The following SCAMP2 variants were observed in gnomAD, a reference collection of about 807,000 sequenced individuals.
SCAMP2 encodes secretory carrier-associated membrane protein 2.
SCAMP2 carries 25 observed loss-of-function variants against 44.1 expected under a neutral mutation model. The ratio of observed to expected loss-of-function variants is 0.57; its 90% CI spans 0.41 to 0.79. The LOEUF (loss-of-function observed/expected upper bound fraction) is 0.79. Ranked by LOEUF, SCAMP2 falls within the 30% of genes least tolerant of loss-of-function variation. The probability of loss-of-function intolerance (pLI) is 0.00; values close to 1 mark genes in which losing one functional copy is unlikely to be tolerated. For synonymous variants in SCAMP2, 156 were observed against 166.0 expected, an observed-to-expected ratio of 0.94 and a Z score of 0.46; for missense variants, 355 against 411.0, an observed-to-expected ratio of 0.86 and a Z score of 1.18.
chr15:74,861,410 C>T (rs2064502067), intron 1 of SCAMP2, among the ~76,000 whole-genome samples: 1 of 152,034 alleles, frequency 6.6e-6, no homozygotes, highest in Non-Finnish European at 1.5e-5. Flanking sequence ...AGAATCTGTC[C>T]TAAGAAAATA....
intron 1 of SCAMP2, among the ~76,000 whole-genome samples, chr15:74,870,787 C>T (rs1198766263): frequency 6.6e-6 from 1 of 152,226 alleles, no homozygotes; most frequent in Non-Finnish European, 1.5e-5. Context: ...ACTCTCCTGA[C>T]AGCGTATAAT....
chr15:74,867,642 C>T (rs2064552039), intron 1 of SCAMP2, among the ~76,000 whole-genome samples: 2 of 152,258 alleles, frequency 1.3e-5, no homozygotes, highest in Admixed American at 1.3e-4. Context: ...ACTGTCTGCA[C>T]AGGGAAATTC....
At chr15:74,870,957 G>C (rs1310597016) in intron 1 of SCAMP2, among the ~76,000 whole-genome samples, 1 of 152,180 alleles carries the variant, frequency 6.6e-6, no homozygotes, top group Non-Finnish European at 1.5e-5. Context: ...GACAAGCAGG[G>C]TGAGTTAATG....
chr15:74,856,582 CTTT>C (rs561034044), intron 1 of SCAMP2, among the ~76,000 whole-genome samples: 1 of 138,102 alleles, frequency 7.2e-6, no homozygotes, highest in Non-Finnish European at 1.6e-5. Flanking sequence ...GCCTCCAGTT[CTTT>C]TTTTTTTTTT....
Position 74,844,937 on chromosome 15 carries a change from C to T in SCAMP2, c.*146G>A. 1 of 870,282 alleles carries T rather than the reference C, an allele frequency of 1.1e-6. No individual in the cohort carries two copies. Among genetic ancestry groups the T allele is most frequent in the Non-Finnish European group, 1.8e-6 (1 of 567,944 alleles). The allele number at this position is 870,282 out of a possible 1,614,324, so 53.9% of individuals were successfully genotyped here. A position where few individuals can be genotyped will look rare whatever the true frequency, so the allele number is the denominator to read the frequency against. ...CCTGTCCCTCCCGTTCCAGGGAGAG[C>T]TGGTCGCTGAGGGAGGAGGAAGAGC... On this transcript the variant is annotated 3_prime_UTR_variant, in exon 9 of 9. Coordinates refer to ENST00000268099, the MANE Select transcript of SCAMP2 (RefSeq NM_005697.5).
Position 74,845,082 on chromosome 15 carries a change from A to G in SCAMP2, c.*1T>C. ...GCTGAGGGGGAGAGAAGAGAGGAGG[A>G]CTAATTCCCCTGGAAGGCTCCTTGG... On this transcript the variant is annotated 3_prime_UTR_variant, in exon 9 of 9. Coordinates refer to ENST00000268099, the MANE Select transcript of SCAMP2 (RefSeq NM_005697.5). 6.2e-7 allele frequency: 1 copy of G among 1,613,064 alleles called. No homozygotes were observed. The highest frequency in any genetic ancestry group is 8.5e-7 in the Non-Finnish European group (1 of 1,179,324).
At chr15:74,860,087 CCT>C (rs1466617272) in intron 1 of SCAMP2, among the ~76,000 whole-genome samples, 1 of 151,974 alleles carries the variant, frequency 6.6e-6, no homozygotes, top group Non-Finnish European at 1.5e-5. Context: ...ATAGCGAGAC[CCT>C]GTCTCTTTTT....
intron 1 of SCAMP2, among the ~76,000 whole-genome samples, chr15:74,871,075 T>C (rs553748967): frequency 1.5e-3 from 230 of 152,260 alleles, no homozygotes; most frequent in African/African-American, 5.3e-3. Flanking sequence ...ACAAGAGGCA[T>C]AGGAGCTCTG....
chr15:74,854,228 C>A, intron 2 of SCAMP2, 109 bp from the exon 3 acceptor site: 3 of 980,012 alleles, frequency 3.1e-6, no homozygotes, highest in Non-Finnish European at 1.6e-6. Context: ...TGAGGGGACT[C>A]CCTCGGGGCC....
intron 3 of SCAMP2, chr15:74,853,305 G>A (rs1439337270): frequency 4.7e-6 from 2 of 428,388 alleles, no homozygotes; most frequent in Admixed American, 2.5e-5. Context: ...TGGGGCCTGG[G>A]AGGGGTGTGG....
At chr15:74,850,416 G>A in intron 6 of SCAMP2, 98 bp downstream of exon 6, 1 of 1,078,162 alleles carries the variant, frequency 9.3e-7, no homozygotes, top group South Asian at 1.4e-5. Context: ...ATTCTATTCT[G>A]CTCTAAGACT....
In SCAMP2 at chr15:74,843,804, A is replaced by C. The variant is rs533454332; in HGVS notation, c.*1279T>G. 6.6e-6 allele frequency: 1 copy of C among 152,124 alleles called. No individual in the cohort carries two copies. Among genetic ancestry groups the C allele is most frequent in the Non-Finnish European group, 1.5e-5 (1 of 68,010 alleles). The allele number at this position is 152,124 out of a possible 1,614,324, so 9.4% of individuals were successfully genotyped here. On this transcript the variant is annotated 3_prime_UTR_variant, in exon 9 of 9. Transcript: ENST00000268099. ...ACATATACATTTGTACATAGAGGGG[A>C]AAAAATACCAGAAAGGAGTTCATAA...
In SCAMP2 at chr15:74,845,661, T is replaced by C. The variant is rs537811254; in HGVS notation, c.735-68A>G. The C allele has an allele frequency of 8.5e-5, 135 of 1,589,896 alleles. No homozygotes were observed. In the African/African-American group the frequency reaches 9.5e-4, roughly 11 times the overall value. On this transcript the variant is annotated intron_variant, in intron 7 of 8. Coordinates refer to ENST00000268099, the MANE Select transcript of SCAMP2 (RefSeq NM_005697.5). ...GGCTCCAAAAGTCAGCATAAGGGGC[T>C]CTTCTCCAAGTGGCTGCTGTGTCCT...
Position 74,850,708 on chromosome 15 carries a change from GC to G in SCAMP2, c.473-36del, listed in dbSNP as rs758540507. 3.7e-6 allele frequency: 6 copies of G among 1,609,802 alleles called. No individual in the cohort carries two copies. The South Asian group carries it at 6.6e-5, about 18-fold the overall frequency. On this transcript the variant is annotated intron_variant, in intron 5 of 8. Transcript: ENST00000268099. The stretch of plus-strand genomic sequence containing the variant: ...GGGACAGGACAGAGTTATGACTTGT[GC>G]CACAGTGGCTGAGGGGCTCCAATGT...
At chr15:74,873,123 C>G (rs2064588420) in intron 1 of SCAMP2, 76 bp downstream of exon 1, 8 of 1,271,068 alleles carry the variant, frequency 6.3e-6, no homozygotes, top group Non-Finnish European at 6.2e-6. Context: ...CGTCTCCCGG[C>G]TCTAGCGAGA....
rs558832654 is a variant in SCAMP2, at chr15:74,854,158, T to G, written c.127-39A>C. On this transcript the variant is annotated intron_variant, in intron 2 of 8. Transcript: ENST00000268099. ...ATCAAAAGACAGAATTGAGTGGGAC[T>G]CCATTAGCTGGTGACGAGGGGGCAA... 3.8e-6 allele frequency: 6 copies of G among 1,573,688 alleles called. No individual in the cohort carries two copies. The South Asian group carries it at 6.6e-5, about 17-fold the overall frequency.
Position 74,853,960 on chromosome 15 carries a change from C to T in SCAMP2, c.225+61G>A, listed in dbSNP as rs916209624. ...GCTTGCCCCCAGCCTCAGGGCTCAG[C>T]TACTGGTCTGGATGATTCCCTCACT... is the stretch of plus-strand genomic sequence containing the variant. On this transcript the variant is annotated intron_variant, in intron 3 of 8. Transcript: ENST00000268099. 21 of 1,434,068 alleles carry T rather than the reference C, an allele frequency of 1.5e-5. No homozygotes were observed. The Admixed American group carries it at 3.2e-4, about 22-fold the overall frequency. The allele number at this position is 1,434,068 out of a possible 1,614,324, so 88.8% of individuals were successfully genotyped here. A position where few individuals can be genotyped will look rare whatever the true frequency, so the allele number is the denominator to read the frequency against.
chr15:74,849,214 TTAA>T (rs2064418840), intron 6 of SCAMP2, among the ~76,000 whole-genome samples: 1 of 152,274 alleles, frequency 6.6e-6, no homozygotes, highest in Non-Finnish European at 1.5e-5. Flanking sequence ...AGTAAATCTC[TTAA>T]TAATAAAACT....
At chr15:74,853,366 A>G (rs2064447488) in intron 3 of SCAMP2, 1 of 455,904 alleles carries the variant, frequency 2.2e-6, no homozygotes, top group Non-Finnish European at 4.4e-6. Flanking sequence ...CATTAGGCCT[A>G]CCTTCGGAAG....
Sources: allele counts gnomAD v4.1 joint callset (sites outside exome capture counted in the v4.1 genomes callset), GRCh38; gene constraint gnomAD v4.1.1; transcripts MANE v1.5; gene names NCBI Gene and HGNC (gene_info 2026-07-23, HGNC 2026-07-21).